Variants in WNK2 observed in about 807,000 individuals in gnomAD.
WNK2 encodes WNK lysine deficient protein kinase 2.
In WNK2, 67 loss-of-function variants were observed where a neutral mutation model predicts 192.1. The observed-to-expected ratio is 0.35, with a 90% CI of 0.29 to 0.43. The LOEUF (loss-of-function observed/expected upper bound fraction) is 0.43, where lower values mean the gene tolerates loss of function less well. WNK2 is among the 20% of genes least tolerant of loss of function. The pLI, the probability that WNK2 is intolerant of heterozygous loss-of-function variation, is 1.00. For synonymous variants in WNK2, 1,439 were observed against 1,393.9 expected (o/e 1.03, Z -0.72); for missense variants, 2,698 against 3,089.7 (o/e 0.87, Z 3.01).
At position 93,283,362 on chromosome 9, in the gene WNK2, C is replaced by T. The variant is rs180776706; in HGVS notation, c.4034-5426C>T. 1.2e-3 allele frequency among the ~76,000 whole-genome samples: 178 copies of T among 152,158 alleles called. 1 individual carries two copies. Among genetic ancestry groups the T allele is most frequent in the African/African-American group, 3.4e-3 (142 of 41,508 alleles). ...ATAGGGTATCAACAGAGCTTAGCAACGGTTCTTTGAAATGGCTCATAGCAT... is the reference window on the plus strand; with the variant it reads ...ATAGGGTATCAACAGAGCTTAGCAATGGTTCTTTGAAATGGCTCATAGCAT... On this transcript the variant is annotated intron_variant, in intron 19 of 29. Coordinates refer to ENST00000427277, the MANE Select transcript of WNK2 (RefSeq NM_006648.4).
At chr9:93,283,011 C>T (rs1395067640) in intron 19 of WNK2, among the ~76,000 whole-genome samples, 2 of 152,172 alleles carry the variant, frequency 1.3e-5, no homozygotes, top group Admixed American at 1.3e-4. Context: ...AAAATATCCA[C>T]ATTTGATAGT....
rs1837431279 is a variant in WNK2, at chr9:93,224,258, G to A, written c.682-5438G>A. Among the ~76,000 whole-genome samples, 5 of 152,234 alleles carry A rather than the reference G, an allele frequency of 3.3e-5. No individual in the cohort carries two copies. The South Asian group carries it at 1.0e-3, about 31-fold the overall frequency. On this transcript the variant is annotated intron_variant, in intron 2 of 29. Transcript: ENST00000427277. The stretch of plus-strand genomic sequence containing the variant: ...TTGGATTTTGGGGTCCTGCCTAGCT[G>A]AAAGGAAGATGCCACGGAATCCCAA...
chr9:93,213,971 A>T (rs58524644), intron 2 of WNK2, among the ~76,000 whole-genome samples: 3 of 152,194 alleles, frequency 2.0e-5, no homozygotes, highest in African/African-American at 7.2e-5. Flanking sequence ...GTGTACTGTT[A>T]TATAATTTAG....
intron 4 of WNK2, among the ~76,000 whole-genome samples, chr9:93,233,813 A>T (rs185763396): frequency 9.0e-4 from 137 of 152,340 alleles, no homozygotes; most frequent in Non-Finnish European, 1.6e-3. Context: ...AGAAACTAGA[A>T]ATTTTGAAGA....
intron 16 of WNK2, among the ~76,000 whole-genome samples, chr9:93,265,966 T>G (rs1338887783): frequency 1.3e-5 from 2 of 152,228 alleles, no homozygotes; most frequent in African/African-American, 4.8e-5. Flanking sequence ...CACTCAGCAC[T>G]CGGATACTCC....
In WNK2 at chr9:93,247,275, C is replaced by T. The variant is rs879886707; in HGVS notation, c.1543-268C>T. 6.6e-6 allele frequency among the ~76,000 whole-genome samples: 1 copy of T among 152,198 alleles called. No homozygotes were observed. The highest frequency in any genetic ancestry group is 1.5e-5 in the Non-Finnish European group (1 of 68,032). ...TGGGAGCTCAGGGAGCCCTTGGGTC[C>T]GGTTGAGGGGCTGGTCTGCTTTGCT... On this transcript the variant is annotated intron_variant, in intron 7 of 29. Coordinates refer to ENST00000427277, the MANE Select transcript of WNK2 (RefSeq NM_006648.4). This position sits in a 1 kb window ranked among gnomAD's most constrained non-coding sequence, Gnocchi z 5.2.
rs1475309977 is a variant in WNK2 at position 93,184,305 on chromosome 9, C to A, written c.-83C>A. 6.6e-6 allele frequency among the ~76,000 whole-genome samples: 1 copy of A among 151,254 alleles called. No homozygotes were observed. The highest frequency in any genetic ancestry group is 1.9e-4 in the East Asian group (1 of 5,132). Reference sequence around the variant, plus strand: ...GCGCGGACCTCGCCCGGAACTCGGACCCCGTCCTCGAAGCGTGATCTCTCC... The same window carrying A: ...GCGCGGACCTCGCCCGGAACTCGGAACCCGTCCTCGAAGCGTGATCTCTCC... On this transcript the variant is annotated 5_prime_UTR_variant, in exon 1 of 30. Coordinates refer to ENST00000427277, the MANE Select transcript of WNK2 (RefSeq NM_006648.4).
At chr9:93,231,234 C>T (rs548197460) in intron 4 of WNK2, 126 bp downstream of exon 4, 44 of 905,300 alleles carry the variant, frequency 4.9e-5, no homozygotes, top group African/African-American at 3.0e-4. Flanking sequence ...CGTCTGGGCA[C>T]GGGAGCCTCG....
chr9:93,302,079 ACTT>A (rs1242964369), intron 26 of WNK2, among the ~76,000 whole-genome samples: 5 of 152,102 alleles, frequency 3.3e-5, no homozygotes, highest in African/African-American at 4.8e-5. Context: ...TGGAGGCTGG[ACTT>A]CTTGTTGAGC....
intron 16 of WNK2, 147 bp from the exon 17 acceptor site, chr9:93,267,599 C>G: frequency 4.4e-6 from 4 of 900,318 alleles, no homozygotes; most frequent in Non-Finnish European, 6.5e-6. Flanking sequence ...ACTTGCTGAG[C>G]TGTCCAGCCC....
chr9:93,256,989 G>A lies in WNK2; in HGVS notation c.2232G>A (p.Leu744=), dbSNP rs1035803965. 18 of 1,595,430 alleles carry A rather than the reference G, an allele frequency of 1.1e-5. No individual in the cohort carries two copies. The highest frequency in any genetic ancestry group is 3.4e-5 in the Admixed American group (2 of 58,706). Residue 744 remains leucine, a synonymous_variant, in exon 11 of 30, where the codon CTG becomes CTA. Coordinates refer to ENST00000427277, the MANE Select transcript of WNK2 (RefSeq NM_006648.4). ...LAQPTPLPQV[L]APQPVVPLQP... ...AGCCGACACCCCTGCCGCAGGTCCT[G>A]GCCCCACAGCCCGTGGTCCCCCTCC...
At chr9:93,270,130 G>A (rs1405203966) in intron 19 of WNK2, among the ~76,000 whole-genome samples, 1 of 152,216 alleles carries the variant, frequency 6.6e-6, no homozygotes, top group Non-Finnish European at 1.5e-5. Flanking sequence ...AGGGCCCTGA[G>A]GGTGGTCCTG....
Position 93,299,181 on chromosome 9 carries a change from A to G in WNK2, c.6035A>G (p.Gln2012Arg). The change falls in exon 25 of 30, where the codon CAG becomes CGG. Residue 2012 changes from glutamine (Q) to arginine (R), a missense_variant. Gln to Arg is a conservative substitution (Grantham distance 43, BLOSUM62 1). Transcript: ENST00000427277. ...AGCGGGAAGGCAGTGCAGACCCAGCAGCCCTGCTCCGTCCGGGCCTCCCTG... is the reference window on the plus strand; with the variant it reads ...AGCGGGAAGGCAGTGCAGACCCAGCGGCCCTGCTCCGTCCGGGCCTCCCTG... ...GLSGKAVQTQ[Q>R]PCSVRASLSS... 6.2e-7 allele frequency: 1 copy of G among 1,608,268 alleles called. No individual in the cohort carries two copies. The highest frequency in any genetic ancestry group is 8.5e-7 in the Non-Finnish European group (1 of 1,176,378).
chr9:93,255,595 G>A (rs767067448), intron 9 of WNK2, among the ~76,000 whole-genome samples: 4 of 152,218 alleles, frequency 2.6e-5, no homozygotes, highest in South Asian at 4.1e-4. Context: ...AGAACCCCAC[G>A]GGAGAGAACG....
intron 5 of WNK2, among the ~76,000 whole-genome samples, chr9:93,236,272 G>A (rs1839795701): frequency 6.6e-6 from 1 of 152,128 alleles, no homozygotes; most frequent in Non-Finnish European, 1.5e-5. Context: ...GCTGTCCCAG[G>A]GGCTGGTGGT....
intron 28 of WNK2, chr9:93,308,976 A>G (rs1200967129): frequency 3.8e-6 from 4 of 1,042,896 alleles, no homozygotes; most frequent in Non-Finnish European, 4.6e-6. Context: ...GCAGGTGTGC[A>G]TGTCACCCAA....
chr9:93,218,756 G>A (rs961270415), intron 2 of WNK2, among the ~76,000 whole-genome samples: 2 of 152,250 alleles, frequency 1.3e-5, no homozygotes, highest in East Asian at 3.9e-4. Flanking sequence ...TGTTGGGGGT[G>A]TGTGTCTGGG....
At chr9:93,253,450 A>T (rs767159177) in intron 9 of WNK2, among the ~76,000 whole-genome samples, 8 of 152,028 alleles carry the variant, frequency 5.3e-5, no homozygotes, top group African/African-American at 7.3e-5. Flanking sequence ...GATAATGGTG[A>T]CAACCCACAG....
chr9:93,256,707 C>T, intron 10 of WNK2: 1 of 668,552 alleles, frequency 1.5e-6, no homozygotes, highest in South Asian at 2.0e-5. Context: ...GCTCTGCTCA[C>T]TCAGAACATT....
Sources: allele counts gnomAD v4.1 joint callset (sites outside exome capture counted in the v4.1 genomes callset), GRCh38; gene constraint gnomAD v4.1.1; non-coding constraint Gnocchi (gnomAD v3.1); transcripts MANE v1.5; gene names NCBI Gene and HGNC (gene_info 2026-07-23, HGNC 2026-07-21).